AR: variants seen among roughly 807,000 people sequenced by gnomAD.
AR encodes dihydrotestosterone receptor.
AR carries 8 observed loss-of-function variants against 53.9 expected under a neutral mutation model. The ratio of observed to expected loss-of-function variants is 0.15; its 90% CI spans 0.09 to 0.27. The LOEUF (loss-of-function observed/expected upper bound fraction) is 0.27, where lower values mean the gene tolerates loss of function less well. Ranked by LOEUF, AR falls within the 10% of genes least tolerant of loss-of-function variation. The pLI is 1.00. For missense variants in AR, 639 were observed against 742.5 expected, an observed-to-expected ratio of 0.86 and a Z score of 1.62; for synonymous variants, 359 against 316.4, an observed-to-expected ratio of 1.13 and a Z score of -1.43.
At chrX:67,589,759 T>C (rs751133764) in intron 1 of AR, among the ~76,000 whole-genome samples, 2 of 111,762 alleles carry the variant, frequency 1.8e-5, no homozygotes, top group East Asian at 5.7e-4. Context: ...GGAGGTTGGA[T>C]ACAGGCAGCC....
At chrX:67,599,277 G>T (rs1469377398) in intron 1 of AR, among the ~76,000 whole-genome samples, 1 of 111,765 alleles carries the variant, frequency 8.9e-6, no homozygotes, top group Non-Finnish European at 1.9e-5. Flanking sequence ...GGACAATGAG[G>T]ATAGTTTGGT....
At chrX:67,720,762 A>G (rs2098473051) in intron 5 of AR, among the ~76,000 whole-genome samples, 1 of 110,165 alleles carries the variant, frequency 9.1e-6, no homozygotes, top group African/African-American at 3.3e-5. Context: ...TGGCTTGGAA[A>G]CCAAAATGTC....
intron 1 of AR, among the ~76,000 whole-genome samples, chrX:67,552,267 C>G (rs973699286): frequency 5.3e-5 from 6 of 112,191 alleles, no homozygotes; most frequent in African/African-American, 1.9e-4. Flanking sequence ...TGAATGAAAT[C>G]ATGTAATATG....
chrX:67,664,448 A>T (rs1319414912), intron 2 of AR, among the ~76,000 whole-genome samples: 1 of 111,711 alleles, frequency 9.0e-6, no homozygotes, highest in Non-Finnish European at 1.9e-5. Flanking sequence ...GTGAACAGAA[A>T]ATGTTGCTGG....
chrX:67,561,177 C>G (rs997315384), intron 1 of AR, among the ~76,000 whole-genome samples: 1 of 112,337 alleles, frequency 8.9e-6, no homozygotes, highest in African/African-American at 3.2e-5. Context: ...TGCAAAGATT[C>G]TCTTTGGATA....
chrX:67,693,211 G>A (rs2076004023), intron 3 of AR, among the ~76,000 whole-genome samples: 1 of 112,197 alleles, frequency 8.9e-6, no homozygotes, highest in Non-Finnish European at 1.9e-5. Flanking sequence ...AAATCCTTGA[G>A]TTTTTAAAGT....
At chrX:67,688,982 T>C (rs1314490457) in intron 3 of AR, among the ~76,000 whole-genome samples, 1 of 111,558 alleles carries the variant, frequency 9.0e-6, no homozygotes, top group Non-Finnish European at 1.9e-5. Flanking sequence ...TCATATAATT[T>C]TATCTTCTGA....
Position 67,704,198 on chromosome X carries a change from C to T in AR, c.1886-7204C>T, listed in dbSNP as rs753809043. On this transcript the variant is annotated intron_variant, in intron 3 of 7. Transcript: ENST00000374690. ...GCTGGGTGCAATGGTATTTCTAGTTCTAGATCCCTGAGGAATCACCACACT... is the reference window on the plus strand; with the variant it reads ...GCTGGGTGCAATGGTATTTCTAGTTTTAGATCCCTGAGGAATCACCACACT... Among the ~76,000 whole-genome samples, 25 of 111,817 alleles carry T rather than the reference C, an allele frequency of 2.2e-4. No individual in the cohort carries two copies. In the South Asian group the frequency reaches 9.4e-3, roughly 42 times the overall value.
chrX:67,675,352 G>C (rs2075893510), intron 2 of AR, among the ~76,000 whole-genome samples: 1 of 110,819 alleles, frequency 9.0e-6, no homozygotes, highest in African/African-American at 3.3e-5. Context: ...TCTGAGGCTA[G>C]CACACCAGGA....
intron 2 of AR, among the ~76,000 whole-genome samples, chrX:67,665,597 C>T (rs925943767): frequency 9.0e-6 from 1 of 111,415 alleles, no homozygotes; most frequent in Non-Finnish European, 1.9e-5. Flanking sequence ...AATCCATCTC[C>T]TATGCTCCTA....
chrX:67,607,671 A>G (rs756454350), intron 1 of AR, among the ~76,000 whole-genome samples: 4 of 112,238 alleles, frequency 3.6e-5, no homozygotes, highest in Non-Finnish European at 5.6e-5. Context: ...GTGTGATTCA[A>G]ATGTTAAGAA....
At chrX:67,658,716 G>A (rs755692668) in intron 2 of AR, among the ~76,000 whole-genome samples, 33 of 111,977 alleles carry the variant, frequency 2.9e-4, no homozygotes, top group African/African-American at 9.4e-4. Context: ...CAAAGGGGAC[G>A]TCCTGTTCCA....
At chrX:67,652,112 C>T (rs1024750527) in intron 2 of AR, among the ~76,000 whole-genome samples, 1 of 111,938 alleles carries the variant, frequency 8.9e-6, no homozygotes, top group Non-Finnish European at 1.9e-5. Context: ...CCACTTCCCT[C>T]CTCCTCAATG....
chrX:67,586,892 T>C (rs1370094176), intron 1 of AR, among the ~76,000 whole-genome samples: 1 of 111,870 alleles, frequency 8.9e-6, no homozygotes, highest in Non-Finnish European at 1.9e-5. Context: ...TTTACCTTAT[T>C]GAAAGGGTAG....
intron 1 of AR, among the ~76,000 whole-genome samples, chrX:67,593,191 G>C (rs950175242): frequency 1.4e-4 from 15 of 110,487 alleles, no homozygotes; most frequent in Admixed American, 1.3e-3. Context: ...GATTTCTTTG[G>C]AAACTTTTTA....
At position 67,608,333 on chromosome X, in the gene AR, A is replaced by G. The variant is rs558365601; in HGVS notation, c.1617-34923A>G. 1.9e-4 allele frequency among the ~76,000 whole-genome samples: 21 copies of G among 112,306 alleles called. No homozygotes were observed. In the South Asian group the frequency reaches 7.8e-3, roughly 42 times the overall value. Reference sequence around the variant, plus strand: ...TTCTATCTTATTGTATATTTCATTAACAGAAGTATGTTCCTAGCTACTTAG... The same window carrying G: ...TTCTATCTTATTGTATATTTCATTAGCAGAAGTATGTTCCTAGCTACTTAG... On this transcript the variant is annotated intron_variant, in intron 1 of 7. Transcript: ENST00000374690.
intron 3 of AR, among the ~76,000 whole-genome samples, chrX:67,702,054 T>C (rs2076044801): frequency 9.0e-6 from 1 of 111,535 alleles, no homozygotes; most frequent in Non-Finnish European, 1.9e-5. Context: ...AGAGAGAATA[T>C]GGGCTTTATA....
At chrX:67,551,280 G>C (rs1281423319) in intron 1 of AR, among the ~76,000 whole-genome samples, 1 of 110,027 alleles carries the variant, frequency 9.1e-6, no homozygotes, top group Non-Finnish European at 1.9e-5. Flanking sequence ...ATGAGGGTGC[G>C]TGCTGCAAGT....
rs769681612 is a variant in AR, at chrX:67,661,188, A to G, written c.1768+17781A>G. On this transcript the variant is annotated intron_variant, in intron 2 of 7. Transcript: ENST00000374690. ...AGACAATTTGACTTCCTCTTTTCCT[A>G]ATTGAATGCCCTTTATTTCCTTCTC... 7.5e-3 allele frequency among the ~76,000 whole-genome samples: 830 copies of G among 111,197 alleles called. 4 individuals are homozygous for G. Among genetic ancestry groups the G allele is most frequent in the African/African-American group, 0.026 (805 of 30,525 alleles).
Sources: allele counts gnomAD v4.1 joint callset (sites outside exome capture counted in the v4.1 genomes callset), GRCh38; gene constraint gnomAD v4.1.1; transcripts MANE v1.5; gene names NCBI Gene and HGNC (gene_info 2026-07-23, HGNC 2026-07-21).